The following CA13 variants were observed in gnomAD, a reference collection of about 807,000 sequenced individuals.
The protein encoded by CA13 is CA-XIII.
CA13 carries 21 observed loss-of-function variants against 31.5 expected under a neutral mutation model. The observed-to-expected ratio is 0.67, with a 90% CI of 0.47 to 0.96. CA13 has a LOEUF of 0.96. Among genes scored for constraint, CA13 ranks in the 40% least tolerant of loss-of-function variants. The pLI, the probability that CA13 is intolerant of heterozygous loss-of-function variation, is 0.00. For synonymous variants in CA13, 117 were observed against 111.4 expected, an observed-to-expected ratio of 1.05 and a Z score of -0.32; for missense variants, 315 against 318.9, an observed-to-expected ratio of 0.99 and a Z score of 0.09.
rs79853051 is a variant in CA13 at position 85,255,853 on chromosome 8, C to T, written c.236-3568C>T. 5.6e-3 allele frequency among the ~76,000 whole-genome samples: 851 copies of T among 152,266 alleles called. 15 individuals are homozygous for T. The East Asian group carries it at 0.058, about 10-fold the overall frequency. On this transcript the variant is annotated intron_variant, in intron 2 of 6. Coordinates refer to ENST00000321764, the MANE Select transcript of CA13 (RefSeq NM_198584.3). ...AGGCCCTACCACCCTTGCTGTGGCTCCCAGGGCATTCTGGAATTTTCCTAA... is the reference window on the plus strand; with the variant it reads ...AGGCCCTACCACCCTTGCTGTGGCTTCCAGGGCATTCTGGAATTTTCCTAA...
intron 2 of CA13, among the ~76,000 whole-genome samples, chr8:85,255,200 C>T (rs769007560): frequency 6.6e-6 from 1 of 151,732 alleles, no homozygotes; most frequent in Non-Finnish European, 1.5e-5. Flanking sequence ...CATTGAAGCC[C>T]GGAACTCCTG....
At position 85,281,361 on chromosome 8, in the gene CA13, A is replaced by G; in HGVS notation, c.*12A>G. On this transcript the variant is annotated 3_prime_UTR_variant, in exon 7 of 7. Transcript: ENST00000321764. The stretch of plus-strand genomic sequence containing the variant: ...CCTCTTTCCATTAAAAATTGTCACC[A>G]ATGAACTCCCCCAAACATGGCTGTG... 1 of 1,613,448 alleles carries G rather than the reference A, an allele frequency of 6.2e-7. No individual in the cohort carries two copies. Among genetic ancestry groups the G allele is most frequent in the Non-Finnish European group, 8.5e-7 (1 of 1,179,598 alleles).
Position 85,268,466 on chromosome 8 carries a change from C to T in CA13, c.514-6C>T. Reference sequence around the variant, plus strand: ...TAATTTGTGGGAATTCTTTTTGATCCTCCAGGGTAAACAAACTCGATTCAC... The same window carrying T: ...TAATTTGTGGGAATTCTTTTTGATCTTCCAGGGTAAACAAACTCGATTCAC... On this transcript the variant is annotated splice_polypyrimidine_tract_variant and splice_region_variant and intron_variant, in intron 5 of 6. Coordinates refer to ENST00000321764, the MANE Select transcript of CA13 (RefSeq NM_198584.3). The T allele has an allele frequency of 6.2e-7, 1 of 1,613,782 alleles. No homozygotes were observed. Among genetic ancestry groups the T allele is most frequent in the African/African-American group, 1.3e-5 (1 of 75,008 alleles).
chr8:85,252,391 AT>A (rs1341138786), intron 2 of CA13, among the ~76,000 whole-genome samples: 1 of 152,086 alleles, frequency 6.6e-6, no homozygotes, highest in Non-Finnish European at 1.5e-5. Flanking sequence ...TTTTAAAAAA[AT>A]AAATATATGA....
Position 85,245,708 on chromosome 8 carries a change from C to A in CA13, c.-121C>A. Reference sequence around the variant, plus strand: ...GCCCCGGACCGGGTTCACGGTCTCGCACTCCTGCCGCCGGCGCCCCGCGGT... The same window carrying A: ...GCCCCGGACCGGGTTCACGGTCTCGAACTCCTGCCGCCGGCGCCCCGCGGT... On this transcript the variant is annotated 5_prime_UTR_variant, in exon 1 of 7. Transcript: ENST00000321764. The A allele has an allele frequency of 1.7e-6, 2 of 1,150,670 alleles. No homozygotes were observed. The highest frequency in any genetic ancestry group is 2.6e-6 in the Non-Finnish European group (2 of 774,720). 71.3% of individuals were successfully genotyped at this position (1,150,670 alleles called of 1,614,324 possible). A position where few individuals can be genotyped will look rare whatever the true frequency, so the allele number is the denominator to read the frequency against.
Position 85,266,644 on chromosome 8 carries a change from A to G in CA13, c.391A>G (p.Ser131Gly). The change falls in exon 4 of 7, where the codon AGC (serine) becomes GGC (glycine). Residue 131 changes from serine (S) to glycine (G), a missense_variant. Ser to Gly is a moderately conservative substitution (Grantham distance 56). Coordinates refer to ENST00000321764, the MANE Select transcript of CA13 (RefSeq NM_198584.3). ...TCACTGGAATTCAGACAAATACCCC[A>G]GCTTTGTTGAGGCAGCTCATGAACC... ...VVHWNSDKYPSFVEAAHEPDG... is the reference protein window; with the variant it reads ...VVHWNSDKYPGFVEAAHEPDG... 1 of 1,614,020 alleles carries G rather than the reference A, an allele frequency of 6.2e-7. No individual in the cohort carries two copies. Among genetic ancestry groups the G allele is most frequent in the Non-Finnish European group, 8.5e-7 (1 of 1,179,916 alleles).
intron 6 of CA13, among the ~76,000 whole-genome samples, chr8:85,274,007 CA>C (rs1807565880): frequency 6.6e-6 from 1 of 151,928 alleles, no homozygotes; most frequent in African/African-American, 2.4e-5. Context: ...TCTCGGTCTT[CA>C]GGGGGTATGT....
At chr8:85,255,502 G>T (rs974858211) in intron 2 of CA13, among the ~76,000 whole-genome samples, 2 of 151,952 alleles carry the variant, frequency 1.3e-5, no homozygotes, top group Non-Finnish European at 2.9e-5. Context: ...GGCATTTTTA[G>T]TAGAGACAGG....
At chr8:85,247,022 T>C (rs530254703) in intron 1 of CA13, among the ~76,000 whole-genome samples, 3 of 152,338 alleles carry the variant, frequency 2.0e-5, no homozygotes, top group East Asian at 1.9e-4. Flanking sequence ...AATTGTAGCC[T>C]GTTTTTAAAC....
chr8:85,252,867 A>T (rs1231171929), intron 2 of CA13, among the ~76,000 whole-genome samples: 6 of 152,140 alleles, frequency 3.9e-5, no homozygotes, highest in Admixed American at 2.6e-4. Context: ...GTAAAGCCTT[A>T]TTGTTAGCAA....
intron 3 of CA13, among the ~76,000 whole-genome samples, chr8:85,263,009 A>T (rs1807405622): frequency 6.6e-6 from 1 of 152,172 alleles, no homozygotes; most frequent in Admixed American, 6.5e-5. Context: ...GATCTGGTAG[A>T]GTGGCTGAGG....
At chr8:85,281,194 T>C (rs1807699002) in intron 6 of CA13, 36 bp from the exon 7 acceptor site, 1 of 1,601,458 alleles carries the variant, frequency 6.2e-7, no homozygotes, top group Non-Finnish European at 8.5e-7. Context: ...TGGTGGGAAT[T>C]TCTATGCTGA....
chr8:85,246,285 A>G (rs781212401), intron 1 of CA13: 37 of 463,048 alleles, frequency 8.0e-5, no homozygotes, highest in Non-Finnish European at 1.5e-4. Flanking sequence ...CTTAGGAGAA[A>G]CAAATCATAG....
intron 2 of CA13, among the ~76,000 whole-genome samples, chr8:85,253,275 A>T (rs919510178): frequency 1.6e-4 from 23 of 139,892 alleles, no homozygotes; most frequent in East Asian, 1.4e-3. Context: ...TTATTTATTT[A>T]TTTTTTTGAG....
chr8:85,265,923 C>T (rs1311595054), intron 3 of CA13, among the ~76,000 whole-genome samples: 2 of 152,150 alleles, frequency 1.3e-5, no homozygotes, highest in Non-Finnish European at 2.9e-5. Context: ...AGGTAGTAAA[C>T]ATTTAACTGG....
chr8:85,282,513 A>G lies in CA13; in HGVS notation c.*1164A>G, dbSNP rs887550820. 1 of 152,340 alleles carries G rather than the reference A, an allele frequency of 6.6e-6. No homozygotes were observed. Among genetic ancestry groups the G allele is most frequent in the African/African-American group, 2.4e-5 (1 of 41,466 alleles). 9.4% of individuals were successfully genotyped at this position (152,340 alleles called of 1,614,324 possible). A position where few individuals can be genotyped will look rare whatever the true frequency, so the allele number is the denominator to read the frequency against. ...CGTTTTTGCCTGGTGTTTTGGCAGC[A>G]AAGCAGGAAGCAATTTTGTGTGGGT... is the stretch of plus-strand genomic sequence containing the variant. On this transcript the variant is annotated 3_prime_UTR_variant, in exon 7 of 7. Transcript: ENST00000321764.
intron 3 of CA13, among the ~76,000 whole-genome samples, chr8:85,264,114 G>A (rs796637062): frequency 5.9e-5 from 9 of 152,258 alleles, no homozygotes; most frequent in East Asian, 3.9e-4. Context: ...AAAGTTAGGC[G>A]TCTACAAAAC....
At chr8:85,265,621 T>C (rs1222920803) in intron 3 of CA13, among the ~76,000 whole-genome samples, 2 of 152,004 alleles carry the variant, frequency 1.3e-5, no homozygotes, top group African/African-American at 4.8e-5. Flanking sequence ...TTTTCCCCCA[T>C]TGAAACTTGC....
chr8:85,269,536 G>A (rs1264799805), intron 6 of CA13, among the ~76,000 whole-genome samples: 2 of 152,212 alleles, frequency 1.3e-5, no homozygotes, highest in African/African-American at 2.4e-5. Context: ...GGGAATGAGA[G>A]GGAGAGGAGG....
Sources: allele counts gnomAD v4.1 joint callset (sites outside exome capture counted in the v4.1 genomes callset), GRCh38; gene constraint gnomAD v4.1.1; transcripts MANE v1.5; gene names NCBI Gene and HGNC (gene_info 2026-07-23, HGNC 2026-07-21).